The following DISP2 variants were observed in gnomAD, a reference collection of about 807,000 sequenced individuals.
DISP2 encodes the protein dispatched RND transporter family member 2.
Under a neutral mutation model 95.5 loss-of-function variants are expected in DISP2, and 59 were observed. The observed-to-expected ratio is 0.62, with a 90% CI of 0.50 to 0.77. DISP2 has a LOEUF of 0.77. DISP2 is among the 30% of genes least tolerant of loss of function. DISP2 has a pLI of 0.00. For synonymous variants in DISP2, 827 were observed against 815.0 expected (o/e 1.01, Z -0.25); for missense variants, 1,752 against 1,854.6 (o/e 0.94, Z 1.02).
chr15:40,358,465 C>CG, intron 1 of DISP2, 25 bp downstream of exon 1: 1 of 1,258,724 alleles, frequency 7.9e-7, no homozygotes, highest in Non-Finnish European at 1.0e-6. Flanking sequence ...TCCGCAGATC[C>CG]GTATCACAGA....
At position 40,371,903 on chromosome 15, in the gene DISP2, A is replaced by G. The variant is rs533310632; in HGVS notation, c.*1585A>G. ...TCGGATGGCTCACGGACGGCACCAT[A>G]TGCCTGCCATCATCATTATTGTTGG... On this transcript the variant is annotated 3_prime_UTR_variant, in exon 8 of 8. Transcript: ENST00000267889. 9.1e-4 allele frequency: 138 copies of G among 152,284 alleles called. No homozygotes were observed. Among genetic ancestry groups the G allele is most frequent in the African/African-American group, 3.2e-3 (133 of 41,564 alleles). 9.4% of individuals were successfully genotyped at this position (152,284 alleles called of 1,614,324 possible). A position where few individuals can be genotyped will look rare whatever the true frequency, so the allele number is the denominator to read the frequency against.
chr15:40,367,019 G>A (rs1210908581), intron 7 of DISP2, 39 bp from the exon 8 acceptor site: 3 of 1,596,032 alleles, frequency 1.9e-6, no homozygotes, highest in Non-Finnish European at 2.6e-6. Context: ...GAGCCCTTGG[G>A]CTGCCCCTGA....
In DISP2 at chr15:40,369,071, C is replaced by G. The variant is rs144947879; in HGVS notation, c.2959C>G (p.Pro987Ala). The G allele has an allele frequency of 2.5e-3, 4,033 of 1,614,068 alleles. 18 individuals carry two copies. Among genetic ancestry groups the G allele is most frequent in the South Asian group, 4.5e-3 (410 of 91,092 alleles). Reference protein sequence around the residue: ...ATLLLGTWNVPLSLFSVAAVA... With the variant: ...ATLLLGTWNVALSLFSVAAVA... The stretch of plus-strand genomic sequence containing the variant: ...ACTGCTCCTGGGCACCTGGAATGTT[C>G]CCCTCAGCCTATTCTCCGTGGCAGC... The change falls in exon 8 of 8, where the codon CCC (proline) becomes GCC (alanine). Residue 987 changes from proline to alanine, a missense_variant. By Grantham distance (27) the Pro-to-Ala change is conservative. Transcript: ENST00000267889.
Position 40,369,717 on chromosome 15 carries a change from C to T in DISP2, c.3605C>T (p.Pro1202Leu), listed in dbSNP as rs199820901. 16 of 1,611,096 alleles carry T rather than the reference C, an allele frequency of 9.9e-6. No individual in the cohort carries two copies. In the East Asian group the frequency reaches 1.3e-4, roughly 13 times the overall value. Residue 1202 changes from proline (P) to leucine (L), a missense_variant, in exon 8 of 8, where the codon CCG (proline) becomes CTG (leucine). Pro to Leu is a moderately conservative substitution (Grantham distance 98). Around this residue, in one of 5 missense-constraint regions of DISP2, gnomAD observed 347 missense variants for 344.2 expected, o/e 1.01. Coordinates refer to ENST00000267889, the MANE Select transcript of DISP2 (RefSeq NM_033510.3). ...LSEDLQLHDG[P>L]CCSRPPPAPA... ...GAGGATCTGCAGCTCCATGATGGTC[C>T]GTGCTGTTCCCGGCCCCCACCAGCC... is the stretch of plus-strand genomic sequence containing the variant.
chr15:40,367,763 C>T lies in DISP2; in HGVS notation c.1651C>T (p.Leu551=). Residue 551 remains leucine (L), a synonymous_variant, in exon 8 of 8, where the codon CTG becomes TTG. Transcript: ENST00000267889. The part of the protein sequence containing the change: ...PFVNLAALLL[L]SSVCANHTLI... ...CGTCAATCTGGCAGCCCTCCTCCTG[C>T]TGAGCAGCGTCTGCGCCAACCACAC... 6.2e-7 allele frequency: 1 copy of T among 1,611,140 alleles called. No individual in the cohort carries two copies.
chr15:40,365,013 G>A, intron 5 of DISP2, 60 bp downstream of exon 5: 2 of 1,602,324 alleles, frequency 1.2e-6, no homozygotes, highest in Non-Finnish European at 1.7e-6. Flanking sequence ...TCTTCAGGAA[G>A]GGGACATTGG....
chr15:40,367,020 C>T (rs1359546666), intron 7 of DISP2, 38 bp from the exon 8 acceptor site: 8 of 1,596,044 alleles, frequency 5.0e-6, no homozygotes, highest in Admixed American at 1.7e-5. Flanking sequence ...AGCCCTTGGG[C>T]TGCCCCTGAA....
chr15:40,361,293 G>C (rs1167048116), intron 1 of DISP2, among the ~76,000 whole-genome samples: 1 of 152,206 alleles, frequency 6.6e-6, no homozygotes. Flanking sequence ...CTAAAATGGA[G>C]ATATATTATC....
intron 1 of DISP2, among the ~76,000 whole-genome samples, chr15:40,361,770 A>G (rs1266949182): frequency 6.6e-6 from 1 of 152,250 alleles, no homozygotes; most frequent in Non-Finnish European, 1.5e-5. Context: ...CTGGGACTGC[A>G]GCTCACAGCC....
rs1889632759 is a variant in DISP2 at position 40,370,833 on chromosome 15, A to G, written c.*515A>G. Reference sequence around the variant, plus strand: ...CTCTTTTGGGAGCTTCTCTGGGCAGAATTGGGCTGGGACCTCTCTCCCCAA... The same window carrying G: ...CTCTTTTGGGAGCTTCTCTGGGCAGGATTGGGCTGGGACCTCTCTCCCCAA... On this transcript the variant is annotated 3_prime_UTR_variant, in exon 8 of 8. Coordinates refer to ENST00000267889, the MANE Select transcript of DISP2 (RefSeq NM_033510.3). 2.9e-6 allele frequency: 1 copy of G among 342,774 alleles called. No homozygotes were observed. The highest frequency in any genetic ancestry group is 7.6e-5 in the East Asian group (1 of 13,222). 21.2% of individuals were successfully genotyped at this position (342,774 alleles called of 1,614,324 possible).
chr15:40,364,689 G>C, intron 4 of DISP2, 145 bp downstream of exon 4: 2 of 1,430,754 alleles, frequency 1.4e-6, no homozygotes, highest in Non-Finnish European at 1.9e-6. Flanking sequence ...GAGTTGGGGA[G>C]ATGGTATAAA....
chr15:40,367,682 C>G lies in DISP2; in HGVS notation c.1570C>G (p.Leu524Val). 5.0e-6 allele frequency: 8 copies of G among 1,614,024 alleles called. No homozygotes were observed. The highest frequency in any genetic ancestry group is 5.9e-6 in the Non-Finnish European group (7 of 1,180,040). The change falls in exon 8 of 8, where the codon CTG (leucine) becomes GTG (valine). Residue 524 changes from leucine (L) to valine (V), a missense_variant. Around this residue, in one of 5 missense-constraint regions of DISP2, gnomAD observed 732 missense variants for 714.6 expected, o/e 1.02. Transcript: ENST00000267889. ...LMVLLGVLGS[L>V]LVAFFLYQVA... ...GGTGCTGCTGGGGGTGCTGGGCTCACTGCTGGTGGCCTTCTTCCTTTACCA... is the reference window on the plus strand; with the variant it reads ...GGTGCTGCTGGGGGTGCTGGGCTCAGTGCTGGTGGCCTTCTTCCTTTACCA...
chr15:40,360,004 G>A (rs576411586), intron 1 of DISP2, among the ~76,000 whole-genome samples: 18 of 152,364 alleles, frequency 1.2e-4, no homozygotes, highest in African/African-American at 3.8e-4. Flanking sequence ...ACCTGGCTGT[G>A]TGTCTGTGGG....
rs2141264155 is a variant in DISP2 at position 40,370,153 on chromosome 15, A to G, written c.4041A>G (p.Thr1347=). Residue 1347 remains threonine, a synonymous_variant, in exon 8 of 8, where the codon ACA becomes ACG. Coordinates refer to ENST00000267889, the MANE Select transcript of DISP2 (RefSeq NM_033510.3). ...RDTLWLALRE[T]VYDPSLPASH... is the part of the protein sequence containing the mutation. ...CCCTGTGGCTGGCGCTGAGGGAGAC[A>G]GTGTATGACCCATCATTGCCCGCTT... is the stretch of plus-strand genomic sequence containing the variant. 1 of 1,609,934 alleles carries G rather than the reference A, an allele frequency of 6.2e-7. No individual in the cohort carries two copies. The highest frequency in any genetic ancestry group is 1.1e-5 in the South Asian group (1 of 90,704).
chr15:40,363,517 C>T, intron 1 of DISP2, 108 bp from the exon 2 acceptor site: 4 of 827,508 alleles, frequency 4.8e-6, no homozygotes, highest in Non-Finnish European at 7.3e-6. Context: ...TAAATCAACC[C>T]TGAGTCCCTG....
rs1425272057 is a variant in DISP2, at chr15:40,364,506, T to C, written c.565T>C (p.Leu189=). The change falls in exon 4 of 8, where the codon TTG becomes CTG. Residue 189 remains leucine, a synonymous_variant. Transcript: ENST00000267889. ...CTTCCTCTGCACCCTGGCTGGACTG[T>C]TGGGGGCCCGGCTGCCCGACTTCTC... is the stretch of plus-strand genomic sequence containing the variant. ...VIFLCTLAGL[L]GARLPDFSKP... 2.5e-6 allele frequency: 4 copies of C among 1,614,004 alleles called. No individual in the cohort carries two copies. Among genetic ancestry groups the C allele is most frequent in the East Asian group, 2.2e-5 (1 of 44,882 alleles).
intron 1 of DISP2, among the ~76,000 whole-genome samples, chr15:40,361,882 G>A (rs1453201054): frequency 6.6e-6 from 1 of 152,224 alleles, no homozygotes; most frequent in Non-Finnish European, 1.5e-5. Context: ...GGCTGGGTGA[G>A]CCAGGCAGAG....
rs1231613723 is a variant in DISP2 at position 40,371,652 on chromosome 15, G to A, written c.*1334G>A. On this transcript the variant is annotated 3_prime_UTR_variant, in exon 8 of 8. Coordinates refer to ENST00000267889, the MANE Select transcript of DISP2 (RefSeq NM_033510.3). ...GCTTTTTAAGGACAAGTCTCTCTGT[G>A]GAGCGTTAAGCAGACCAAAGGCTGG... 3 of 152,232 alleles carry A rather than the reference G, an allele frequency of 2.0e-5. No individual in the cohort carries two copies. In the East Asian group the frequency reaches 5.8e-4, roughly 29 times the overall value. 9.4% of individuals were successfully genotyped at this position (152,232 alleles called of 1,614,324 possible). A position where few individuals can be genotyped will look rare whatever the true frequency, so the allele number is the denominator to read the frequency against.
Position 40,367,372 on chromosome 15 carries a change from T to G in DISP2, c.1260T>G (p.Phe420Leu). 1 of 1,613,340 alleles carries G rather than the reference T, an allele frequency of 6.2e-7. No individual in the cohort carries two copies. Among genetic ancestry groups the G allele is most frequent in the East Asian group, 2.2e-5 (1 of 44,766 alleles). Residue 420 changes from phenylalanine to leucine, a missense_variant, in exon 8 of 8, where the codon TTT becomes TTG. Transcript: ENST00000267889. ...TGCACTTTCTGCTTGACAGGGACTT[T>G]CTGAGTCCCCAGACCACTGACTACC... ...QLLHFLLDRD[F>L]LSPQTTDYQV...
Sources: allele counts gnomAD v4.1 joint callset (sites outside exome capture counted in the v4.1 genomes callset), GRCh38; gene constraint gnomAD v4.1.1; regional missense constraint gnomAD v4.1.1; transcripts MANE v1.5; gene names NCBI Gene and HGNC (gene_info 2026-07-23, HGNC 2026-07-21).